Variants in GUCY1A2 observed in about 807,000 individuals in gnomAD.
The protein encoded by GUCY1A2 is guanylate cyclase 1 soluble subunit alpha 2.
In GUCY1A2, 27 loss-of-function variants were observed where a neutral mutation model predicts 63.5. The ratio of observed to expected loss-of-function variants is 0.43; its 90% CI spans 0.31 to 0.59. The LOEUF (loss-of-function observed/expected upper bound fraction) is 0.59. GUCY1A2 is among the 20% of genes least tolerant of loss of function. The probability of loss-of-function intolerance (pLI) is 0.11; values close to 1 mark genes in which losing one functional copy is unlikely to be tolerated. For synonymous variants in GUCY1A2, 364 were observed against 343.5 expected, an observed-to-expected ratio of 1.06 and a Z score of -0.66; for missense variants, 768 against 913.3, an observed-to-expected ratio of 0.84 and a Z score of 2.05.
chr11:106,933,014 C>G (rs1860623931), intron 4 of GUCY1A2, among the ~76,000 whole-genome samples: 1 of 152,018 alleles, frequency 6.6e-6, no homozygotes, highest in Non-Finnish European at 1.5e-5. Flanking sequence ...CAGTAAGAAT[C>G]CTAGAAGAAA....
intron 6 of GUCY1A2, among the ~76,000 whole-genome samples, chr11:106,736,548 T>A (rs1247791670): frequency 6.6e-6 from 1 of 152,196 alleles, no homozygotes; most frequent in Admixed American, 6.6e-5. Context: ...GTAGTATAAT[T>A]TAAGTCAGGT....
chr11:106,840,067 A>G (rs1859175714), intron 4 of GUCY1A2, among the ~76,000 whole-genome samples: 1 of 152,062 alleles, frequency 6.6e-6, no homozygotes, highest in East Asian at 1.9e-4. Context: ...CTGAATCCAT[A>G]AAGTTTGAAA....
intron 4 of GUCY1A2, among the ~76,000 whole-genome samples, chr11:106,913,986 C>CAAAAAAAAAAAAAAAAAAAAAAAA (rs11325847): frequency 7.0e-5 from 5 of 71,216 alleles, no homozygotes; most frequent in Admixed American, 1.6e-4. Context: ...AATGAAAAAG[C>CAAAAAAAAAAAAAAAAAAAAAAAA]AAAAAAAAAA....
rs1249405217 is a variant in GUCY1A2 at position 106,681,616 on chromosome 11, T to C, written c.*5933A>G. On this transcript the variant is annotated 3_prime_UTR_variant, in exon 8 of 8. Coordinates refer to ENST00000526355, the MANE Select transcript of GUCY1A2 (RefSeq NM_000855.3). ...TAACTTCTGAGATAGATTAAACATG[T>C]CATTTGCCCGAATATTTTTAATCTG... 5 of 223,028 alleles carry C rather than the reference T, an allele frequency of 2.2e-5. No individual in the cohort carries two copies. The highest frequency in any genetic ancestry group is 1.8e-4 in the South Asian group (1 of 5,458). The allele number at this position is 223,028 out of a possible 1,614,324, so 13.8% of individuals were successfully genotyped here. A position where few individuals can be genotyped will look rare whatever the true frequency, so the allele number is the denominator to read the frequency against.
chr11:106,907,370 T>C (rs1173107646), intron 4 of GUCY1A2, among the ~76,000 whole-genome samples: 1 of 152,064 alleles, frequency 6.6e-6, no homozygotes, highest in Non-Finnish European at 1.5e-5. Flanking sequence ...CTGGGATTCT[T>C]CTAGCTATGG....
intron 6 of GUCY1A2, among the ~76,000 whole-genome samples, chr11:106,713,200 A>C (rs931669513): frequency 6.6e-6 from 1 of 152,146 alleles, no homozygotes; most frequent in Non-Finnish European, 1.5e-5. Context: ...TCCATTGTCT[A>C]ATGTCCACTG....
rs767982659 is a variant in GUCY1A2 at position 106,708,540 on chromosome 11, G to T, written c.1963C>A (p.Arg655Ser). ...TAAGTGGTTGGGCTGACATTGATGCGCCGAGGGTGACTTCCCGACTCGAAT... is the reference window on the plus strand; with the variant it reads ...TAAGTGGTTGGGCTGACATTGATGCTCCGAGGGTGACTTCCCGACTCGAAT... ...SKFESGSHPRRINVSPTTYQL... is the reference protein window; with the variant it reads ...SKFESGSHPRSINVSPTTYQL... Residue 655 changes from arginine to serine, a missense_variant, in exon 7 of 8, where the codon CGC becomes AGC. Coordinates refer to ENST00000526355, the MANE Select transcript of GUCY1A2 (RefSeq NM_000855.3). 1 of 1,612,220 alleles carries T rather than the reference G, an allele frequency of 6.2e-7. No individual in the cohort carries two copies. The highest frequency in any genetic ancestry group is 1.3e-5 in the African/African-American group (1 of 74,706).
chr11:106,824,769 C>A lies in GUCY1A2; in HGVS notation c.1207-14291G>T, dbSNP rs1380316611. 5.2e-6 allele frequency: 8 copies of A among 1,527,662 alleles called. No homozygotes were observed. The East Asian group carries it at 7.1e-5, about 13-fold the overall frequency. 94.6% of individuals were successfully genotyped at this position (1,527,662 alleles called of 1,614,324 possible). A position where few individuals can be genotyped will look rare whatever the true frequency, so the allele number is the denominator to read the frequency against. On this transcript the variant is annotated intron_variant, in intron 4 of 7. Transcript: ENST00000526355. ...AGAAAACTGAATAGCTGGATTTTTACCAAGGTGCTTGCTTTGTTATTTTTT... is the reference window on the plus strand; with the variant it reads ...AGAAAACTGAATAGCTGGATTTTTAACAAGGTGCTTGCTTTGTTATTTTTT...
intron 4 of GUCY1A2, among the ~76,000 whole-genome samples, chr11:106,930,276 T>C (rs1860583287): frequency 6.6e-6 from 1 of 152,172 alleles, no homozygotes; most frequent in African/African-American, 2.4e-5. Context: ...TTGCTCAAGG[T>C]TACCCAGCTA....
intron 6 of GUCY1A2, among the ~76,000 whole-genome samples, chr11:106,733,332 G>A (rs1863535419): frequency 6.6e-6 from 1 of 152,098 alleles, no homozygotes; most frequent in South Asian, 2.1e-4. Context: ...GAAAGCCATT[G>A]TTTAGAGACT....
At chr11:106,920,687 C>G (rs1591328087) in intron 4 of GUCY1A2, among the ~76,000 whole-genome samples, 1 of 151,974 alleles carries the variant, frequency 6.6e-6, no homozygotes, top group Non-Finnish European at 1.5e-5. Flanking sequence ...CTAAAGCAAC[C>G]CCTGTAAGCT....
intron 6 of GUCY1A2, among the ~76,000 whole-genome samples, chr11:106,752,572 T>C (rs936095774): frequency 3.3e-5 from 5 of 149,754 alleles, no homozygotes; most frequent in African/African-American, 1.2e-4. Flanking sequence ...CCATGTGTTC[T>C]CATTGTTCAA....
intron 6 of GUCY1A2, among the ~76,000 whole-genome samples, chr11:106,728,227 G>C (rs904626226): frequency 2.0e-5 from 3 of 151,822 alleles, no homozygotes; most frequent in Non-Finnish European, 2.9e-5. Flanking sequence ...TTTCCTATTC[G>C]ATCTGTTAAT....
chr11:106,724,436 A>G (rs1863369086), intron 6 of GUCY1A2, among the ~76,000 whole-genome samples: 1 of 152,002 alleles, frequency 6.6e-6, no homozygotes, highest in South Asian at 2.1e-4. Flanking sequence ...TGATCACCCT[A>G]TCCTTCCCTC....
At chr11:106,952,788 C>T (rs1252129103) in intron 3 of GUCY1A2, among the ~76,000 whole-genome samples, 4 of 151,922 alleles carry the variant, frequency 2.6e-5, no homozygotes, top group African/African-American at 7.3e-5. Flanking sequence ...TACAGGTGTG[C>T]ACTACCACAC....
chr11:106,867,644 A>C (rs553557208), intron 4 of GUCY1A2, among the ~76,000 whole-genome samples: 7 of 152,222 alleles, frequency 4.6e-5, no homozygotes, highest in African/African-American at 1.7e-4. Flanking sequence ...CATGAATGCT[A>C]AGGACCATTA....
chr11:106,971,424 T>C (rs956629896), intron 3 of GUCY1A2, among the ~76,000 whole-genome samples: 6 of 152,168 alleles, frequency 3.9e-5, no homozygotes, highest in Non-Finnish European at 8.8e-5. Flanking sequence ...AAACTGCCCA[T>C]AGGCACTGTA....
intron 6 of GUCY1A2, among the ~76,000 whole-genome samples, chr11:106,721,000 A>G (rs1385573709): frequency 6.6e-6 from 1 of 152,166 alleles, no homozygotes; most frequent in Non-Finnish European, 1.5e-5. Context: ...ACATTCTAAA[A>G]TCAAAAATTT....
intron 4 of GUCY1A2, among the ~76,000 whole-genome samples, chr11:106,881,531 C>T (rs1223590490): frequency 1.3e-5 from 2 of 151,838 alleles, no homozygotes; most frequent in Non-Finnish European, 1.5e-5. Flanking sequence ...TGAAAGTCTG[C>T]CTTATGGTGT....
Sources: gnomAD v4.1 joint callset for allele counts (sites outside exome capture counted in the v4.1 genomes callset) on GRCh38, gnomAD v4.1.1 for gene constraint, MANE v1.5 for transcripts, NCBI Gene and HGNC (gene_info 2026-07-23, HGNC 2026-07-21) for gene names.